Variants in OTUD7A observed in about 807,000 individuals in gnomAD.
The protein encoded by OTUD7A is OTU domain-containing protein 7A.
In OTUD7A, 12 loss-of-function variants were observed where a neutral mutation model predicts 65.7. That is an observed-to-expected ratio of 0.18 (90% confidence interval 0.12 to 0.30). The LOEUF is 0.30. Among genes scored for constraint, OTUD7A ranks in the 10% least tolerant of loss-of-function variants. OTUD7A has a pLI of 1.00. For missense variants in OTUD7A, 1,148 were observed against 1,304.8 expected (o/e 0.88, Z 1.85); for synonymous variants, 641 against 586.3 (o/e 1.09, Z -1.35).
chr15:31,511,070 T>TCTATATGTAACATAC lies in OTUD7A; in HGVS notation c.894-7253_894-7252insGTATGTTACATATAG, dbSNP rs1595569357. ...TATATCTATATGTAACATACATATA[T>TCTATATGTAACATAC]ATGTATATCTATATGTAACATACAT... On this transcript the variant is annotated intron_variant, in intron 8 of 12. Transcript: ENST00000307050. Among the ~76,000 whole-genome samples the TCTATATGTAACATAC allele has an allele frequency of 9.5e-5, 7 of 73,632 alleles. 2 individuals carry two copies. The highest frequency in any genetic ancestry group is 1.7e-4 in the Non-Finnish European group (7 of 40,784). 48.3% of individuals were successfully genotyped at this position (73,632 alleles called of 152,430 possible).
intron 5 of OTUD7A, among the ~76,000 whole-genome samples, chr15:31,534,556 A>T (rs575755038): frequency 1.3e-5 from 2 of 152,236 alleles, no homozygotes; most frequent in Non-Finnish European, 1.5e-5. Context: ...AGCCAGTGAA[A>T]TAAGTCAAGA....
intron 1 of OTUD7A, among the ~76,000 whole-genome samples, chr15:31,853,102 C>G (rs180807545): frequency 6.6e-6 from 1 of 152,302 alleles, no homozygotes; most frequent in East Asian, 1.9e-4. Context: ...CTTGTCTAAT[C>G]TAATAAAAGA....
At chr15:31,579,754 T>A (rs1422298869) in intron 3 of OTUD7A, among the ~76,000 whole-genome samples, 1 of 152,190 alleles carries the variant, frequency 6.6e-6, no homozygotes, top group Non-Finnish European at 1.5e-5. Context: ...ATACAATAGC[T>A]CCCCTAATCC....
At chr15:31,680,298 T>C (rs530589883) in intron 1 of OTUD7A, among the ~76,000 whole-genome samples, 1 of 152,298 alleles carries the variant, frequency 6.6e-6, no homozygotes, top group East Asian at 1.9e-4. Flanking sequence ...TGCCATTCAG[T>C]ATCTTCCTGA....
intron 1 of OTUD7A, among the ~76,000 whole-genome samples, chr15:31,824,273 C>T (rs1896750623): frequency 6.6e-6 from 1 of 152,206 alleles, no homozygotes; most frequent in Non-Finnish European, 1.5e-5. Context: ...CTTCCTGAGC[C>T]ACATCTCACC....
rs549626935 is a variant in OTUD7A at position 31,510,543 on chromosome 15, ATATC to A, written c.894-6729_894-6726del. ...ATATCTATATGTAACATACATATGT[ATATC>A]TATATGTAACATACATATGTATATC... On this transcript the variant is annotated intron_variant, in intron 8 of 12. Transcript: ENST00000307050. Among the ~76,000 whole-genome samples, 240 of 134,786 alleles carry A rather than the reference ATATC, an allele frequency of 1.8e-3. 5 individuals are homozygous for A. The highest frequency in any genetic ancestry group is 6.6e-3 in the African/African-American group (230 of 34,696). The allele number at this position is 134,786 out of a possible 152,430, so 88.4% of individuals were successfully genotyped here.
At chr15:31,722,059 G>T (rs1346288829) in intron 1 of OTUD7A, among the ~76,000 whole-genome samples, 1 of 152,260 alleles carries the variant, frequency 6.6e-6, no homozygotes, top group Non-Finnish European at 1.5e-5. Context: ...CCAGGACTGT[G>T]CCATGAAGGC....
intron 4 of OTUD7A, among the ~76,000 whole-genome samples, chr15:31,565,136 A>T (rs566658939): frequency 6.6e-6 from 1 of 152,340 alleles, no homozygotes; most frequent in South Asian, 2.1e-4. Flanking sequence ...CAGAATAAAC[A>T]GTTGAGAATA....
intron 3 of OTUD7A, among the ~76,000 whole-genome samples, chr15:31,588,944 G>A (rs151299124): frequency 0.012 from 1,810 of 152,332 alleles, 29 homozygotes; most frequent in Non-Finnish European, 0.015. Flanking sequence ...GGCAGCCTAT[G>A]ATGGGCCAGC....
chr15:31,854,424 G>C (rs1897513854), intron 1 of OTUD7A, among the ~76,000 whole-genome samples: 1 of 152,086 alleles, frequency 6.6e-6, no homozygotes, highest in Non-Finnish European at 1.5e-5. Context: ...ATCTCTGGGG[G>C]GTCATTATTC....
At chr15:31,710,049 T>C (rs1158761395) in intron 1 of OTUD7A, among the ~76,000 whole-genome samples, 3 of 151,962 alleles carry the variant, frequency 2.0e-5, no homozygotes, top group Non-Finnish European at 2.9e-5. Flanking sequence ...AGAACAGAAG[T>C]GGGAAAAGAA....
At chr15:31,601,360 C>T (rs963139800) in intron 3 of OTUD7A, among the ~76,000 whole-genome samples, 19 of 152,064 alleles carry the variant, frequency 1.2e-4, no homozygotes, top group Admixed American at 1.2e-3. Context: ...CTGAATGACT[C>T]CTGGGTAAAT....
chr15:31,588,891 C>T (rs564444569), intron 3 of OTUD7A, among the ~76,000 whole-genome samples: 2 of 152,324 alleles, frequency 1.3e-5, no homozygotes, highest in African/African-American at 4.8e-5. Context: ...GGGCCTCTTC[C>T]TCTTGGCTTC....
intron 1 of OTUD7A, among the ~76,000 whole-genome samples, chr15:31,675,401 A>C (rs1189472632): frequency 6.6e-6 from 1 of 152,220 alleles, no homozygotes; most frequent in East Asian, 1.9e-4. Flanking sequence ...ACTAACAGCC[A>C]AACATGATTC....
intron 1 of OTUD7A, among the ~76,000 whole-genome samples, chr15:31,810,544 A>G (rs1474036196): frequency 1.3e-5 from 2 of 152,164 alleles, no homozygotes; most frequent in Admixed American, 6.5e-5. Flanking sequence ...GCTGTCTGCA[A>G]GCTGAGGAGA....
chr15:31,720,049 G>A (rs2654033), intron 1 of OTUD7A, among the ~76,000 whole-genome samples: 1 of 152,146 alleles, frequency 6.6e-6, no homozygotes, highest in East Asian at 1.9e-4. Context: ...TCTATTGACA[G>A]AATAATTAAG....
At chr15:31,615,560 C>T (rs562413763) in intron 3 of OTUD7A, among the ~76,000 whole-genome samples, 5 of 152,292 alleles carry the variant, frequency 3.3e-5, no homozygotes, top group African/African-American at 1.2e-4. Context: ...CAAAAATAAT[C>T]AGTATGGATT....
chr15:31,733,573 C>T (rs544213498), intron 1 of OTUD7A, among the ~76,000 whole-genome samples: 57 of 152,340 alleles, frequency 3.7e-4, no homozygotes, highest in East Asian at 5.8e-4. Flanking sequence ...CTCTCTATCC[C>T]GAGCATGCCC....
chr15:31,522,665 G>C (rs2041953998), intron 8 of OTUD7A, among the ~76,000 whole-genome samples: 1 of 152,142 alleles, frequency 6.6e-6, no homozygotes, highest in African/African-American at 2.4e-5. Flanking sequence ...AGATGACACT[G>C]TTCACATTCC....
Sources: gnomAD v4.1 joint callset for allele counts (sites outside exome capture counted in the v4.1 genomes callset) on GRCh38, gnomAD v4.1.1 for gene constraint, MANE v1.5 for transcripts, NCBI Gene and HGNC (gene_info 2026-07-23, HGNC 2026-07-21) for gene names.